MYLK4: variants seen among roughly 807,000 people sequenced by gnomAD.
MYLK4 encodes myosin light chain kinase family member 4.
Under a neutral mutation model 48.1 loss-of-function variants are expected in MYLK4, and 46 were observed. The ratio of observed to expected loss-of-function variants is 0.96; its 90% confidence interval spans 0.75 to 1.22. The LOEUF is 1.22. Ranked by LOEUF, MYLK4 falls within the 50% of genes most tolerant of loss-of-function variation. The pLI is 0.00. For missense variants in MYLK4, 451 were observed against 486.1 expected (o/e 0.93, Z 0.68); for synonymous variants, 170 against 180.8 (o/e 0.94, Z 0.48).
chr6:2,765,210 C>T, the MYLK4 span, among the ~76,000 whole-genome samples: 3 of 144,388 alleles, frequency 2.1e-5, 1 homozygote, highest in African/African-American at 7.5e-5. Flanking sequence ...CCCCCGCCCC[C>T]GCAAAGGCTG....
Position 2,746,140 on chromosome 6 carries a change from G to A in MYLK4, c.159+2996C>T, listed in dbSNP as rs185614919. Among the ~76,000 whole-genome samples, 232 of 151,368 alleles carry A rather than the reference G, an allele frequency of 1.5e-3. 3 individuals are homozygous for A. The highest frequency in any genetic ancestry group is 0.013 in the Admixed American group (204 of 15,174). On this transcript the variant is annotated intron_variant, in intron 2 of 12. Coordinates refer to ENST00000274643, the MANE Select transcript of MYLK4 (RefSeq NM_001012418.5). ...AAATGAGTCAGGCGTGGTTGCGTGC[G>A]CCTGTAATCCCGGCTACTCAGGAGG... is the stretch of plus-strand genomic sequence containing the variant.
chr6:2,682,939 A>G, intron 7 of MYLK4, 82 bp downstream of exon 7: 1 of 1,491,920 alleles, frequency 6.7e-7, no homozygotes, highest in Admixed American at 1.7e-5. Context: ...CAATTTCCCC[A>G]GCTGGCATAT....
chr6:2,766,186 C>G, the MYLK4 span: 2 of 1,386,326 alleles, frequency 1.4e-6, no homozygotes, highest in Non-Finnish European at 1.9e-6. Flanking sequence ...ACCCGGGGCA[C>G]TGGGACGCGG....
chr6:2,665,076 A>G lies in MYLK4; in HGVS notation c.*2849T>C, dbSNP rs1167789228. Reference sequence around the variant, plus strand: ...AACTGCCTAGTGAGTGAGCAAAGCCATACCATCCATTAAGAGGGTGGAGGA... The same window carrying G: ...AACTGCCTAGTGAGTGAGCAAAGCCGTACCATCCATTAAGAGGGTGGAGGA... On this transcript the variant is annotated 3_prime_UTR_variant, in exon 13 of 13. Coordinates refer to ENST00000274643, the MANE Select transcript of MYLK4 (RefSeq NM_001012418.5). 2 of 152,286 alleles carry G rather than the reference A, an allele frequency of 1.3e-5. No individual in the cohort carries two copies. The highest frequency in any genetic ancestry group is 2.9e-5 in the Non-Finnish European group (2 of 68,060). The allele number at this position is 152,286 out of a possible 1,614,324, so 9.4% of individuals were successfully genotyped here. A position where few individuals can be genotyped will look rare whatever the true frequency, so the allele number is the denominator to read the frequency against.
chr6:2,732,047 C>A (rs1280660508), intron 2 of MYLK4, among the ~76,000 whole-genome samples: 1 of 152,198 alleles, frequency 6.6e-6, no homozygotes, highest in African/African-American at 2.4e-5. Flanking sequence ...TTGACCTGGA[C>A]CAGCCTGCTC....
Position 2,685,363 on chromosome 6 carries a change from G to A in MYLK4, c.478C>T (p.His160Tyr). The change falls in exon 6 of 13, where the codon CAC becomes TAC. Residue 160 changes from histidine (H) to tyrosine (Y), a missense_variant. Physicochemically the swap from His to Tyr is moderately conservative, Grantham distance 83. Transcript: ENST00000274643. The surrounding 1 kb of genome is among the most constrained non-coding windows in gnomAD (Gnocchi z 4.5). ...TCGTACAGCTGGATGAGGTTCGCGT[G>A]GTCCAGCTGGTTCATGACGCTGATC... Reference protein sequence around the residue: ...NEISVMNQLDHANLIQLYDAF... With the variant: ...NEISVMNQLDYANLIQLYDAF... The A allele has an allele frequency of 6.2e-7, 1 of 1,613,942 alleles. No individual in the cohort carries two copies. Among genetic ancestry groups the A allele is most frequent in the Non-Finnish European group, 8.5e-7 (1 of 1,179,910 alleles).
At chr6:2,754,535 G>A (rs1037800777), upstream of MYLK4, among the ~76,000 whole-genome samples, 2 of 152,172 alleles carry the variant, frequency 1.3e-5, no homozygotes, top group Middle Eastern at 3.2e-3. Flanking sequence ...CAGGAATGGG[G>A]GTTAATTGTA....
Position 2,678,252 on chromosome 6 carries a change from C to T in MYLK4, c.1008G>A (p.Glu336=). ...EFQDISEEAK[E]FISKLLIKEK... ...CCTTAATCAGAAGCTTAGAGATGAA[C>T]TCCTTGGCCTCCTCCGAGATGTCCT... The change falls in exon 10 of 13, where the codon GAG becomes GAA. Residue 336 remains glutamate (E), a synonymous_variant. Transcript: ENST00000274643. 1.9e-6 allele frequency: 3 copies of T among 1,614,130 alleles called. No homozygotes were observed. The highest frequency in any genetic ancestry group is 2.2e-5 in the East Asian group (1 of 44,892).
rs563216121 is a variant in MYLK4 at position 2,689,014 on chromosome 6, A to C, written c.236-58T>G. 10 of 1,382,828 alleles carry C rather than the reference A, an allele frequency of 7.2e-6. No individual in the cohort carries two copies. The East Asian group carries it at 1.8e-4, about 25-fold the overall frequency. 85.7% of individuals were successfully genotyped at this position (1,382,828 alleles called of 1,614,324 possible). A position where few individuals can be genotyped will look rare whatever the true frequency, so the allele number is the denominator to read the frequency against. On this transcript the variant is annotated intron_variant, in intron 3 of 12. Transcript: ENST00000274643. Reference sequence around the variant, plus strand: ...TCAAGAAGTCTGACCTCGTTAAGGCAGCAAGCCTGGGCCTCATAGTAAAAA... The same window carrying C: ...TCAAGAAGTCTGACCTCGTTAAGGCCGCAAGCCTGGGCCTCATAGTAAAAA...
the MYLK4 span, among the ~76,000 whole-genome samples, chr6:2,767,255 C>G: frequency 2.6e-5 from 4 of 152,238 alleles, no homozygotes; most frequent in African/African-American, 9.6e-5. Flanking sequence ...AGCCAGAAAA[C>G]AGAGAAAGCT....
the MYLK4 span, chr6:2,766,084 G>A: frequency 7.7e-7 from 1 of 1,304,902 alleles, no homozygotes; most frequent in Non-Finnish European, 9.7e-7. Context: ...GCGCGTCTCC[G>A]CGCAGCTGGG....
chr6:2,743,576 GTTTTA>G (rs1407969591), intron 2 of MYLK4, among the ~76,000 whole-genome samples: 1 of 152,188 alleles, frequency 6.6e-6, no homozygotes, highest in Non-Finnish European at 1.5e-5. Context: ...TTTTGCTTCT[GTTTTA>G]TTTTCTTTTC....
intron 2 of MYLK4, among the ~76,000 whole-genome samples, chr6:2,718,779 G>A (rs188534589): frequency 6.6e-6 from 1 of 152,298 alleles, no homozygotes; most frequent in African/African-American, 2.4e-5. Context: ...TACTGGTGTG[G>A]TTAGTAAGAA....
rs1760621626 is a variant in MYLK4 at position 2,665,693 on chromosome 6, T to G, written c.*2232A>C. On this transcript the variant is annotated 3_prime_UTR_variant, in exon 13 of 13. Transcript: ENST00000274643. ...ATTGCACGTCGTGCAAAAGATCTCC[T>G]GCTTGATTTGGTAGAGAATGCACAC... is the stretch of plus-strand genomic sequence containing the variant. 6.6e-6 allele frequency: 1 copy of G among 152,300 alleles called. No homozygotes were observed. Among genetic ancestry groups the G allele is most frequent in the South Asian group, 2.1e-4 (1 of 4,826 alleles). The allele number at this position is 152,300 out of a possible 1,614,324, so 9.4% of individuals were successfully genotyped here.
intron 2 of MYLK4, among the ~76,000 whole-genome samples, chr6:2,694,549 T>G: frequency 7.4e-5 from 1 of 13,580 alleles, no homozygotes; most frequent in African/African-American, 2.0e-4. Flanking sequence ...TTGGTTGTGG[T>G]GGTAGTCGTG....
In MYLK4 at chr6:2,685,235, G is replaced by GCACGGT. The variant is rs938215250; in HGVS notation, c.545+55_545+60dup. 1.5e-4 allele frequency: 184 copies of GCACGGT among 1,266,808 alleles called. 1 individual carries two copies. The highest frequency in any genetic ancestry group is 3.1e-5 in the Non-Finnish European group (27 of 868,668). 78.5% of individuals were successfully genotyped at this position (1,266,808 alleles called of 1,614,324 possible). On this transcript the variant is annotated intron_variant, in intron 6 of 12. Coordinates refer to ENST00000274643, the MANE Select transcript of MYLK4 (RefSeq NM_001012418.5). This position sits in a 1 kb window ranked among gnomAD's most constrained non-coding sequence, Gnocchi z 4.5. ...GCTACAGCAGGACGGAGCTACTGAG[G>GCACGGT]CACGGTCACGGTCATGAGTGCCCTT...
At chr6:2,767,079 T>G in the MYLK4 span, among the ~76,000 whole-genome samples, 1 of 152,242 alleles carries the variant, frequency 6.6e-6, no homozygotes, top group African/African-American at 2.4e-5. Flanking sequence ...TTCCGTAACT[T>G]TTCTCATAAT....
chr6:2,708,720 T>C (rs1050563439), intron 2 of MYLK4, among the ~76,000 whole-genome samples: 6 of 152,130 alleles, frequency 3.9e-5, no homozygotes, highest in Non-Finnish European at 7.4e-5. Flanking sequence ...AAGTCCTAGT[T>C]CCCATGAAGA....
chr6:2,762,261 A>C, the MYLK4 span, among the ~76,000 whole-genome samples: 2 of 152,334 alleles, frequency 1.3e-5, no homozygotes, highest in Non-Finnish European at 2.9e-5. Context: ...ATACTTTTGA[A>C]AACCCTATTA....
Sources: allele counts gnomAD v4.1 joint callset (sites outside exome capture counted in the v4.1 genomes callset), GRCh38; gene constraint gnomAD v4.1.1; non-coding constraint Gnocchi (gnomAD v3.1); transcripts MANE v1.5; gene names NCBI Gene and HGNC (gene_info 2026-07-23, HGNC 2026-07-21).